The following CABLES1 variants were observed in gnomAD, a reference collection of about 807,000 sequenced individuals.
The protein encoded by CABLES1 is Cdk5 and Abl enzyme substrate 1.
A neutral mutation model predicts 57.8 loss-of-function variants in CABLES1; 36 were observed. The observed-to-expected ratio is 0.62, with a 90% CI of 0.48 to 0.82. The LOEUF is 0.82. CABLES1 is among the 40% of genes least tolerant of loss of function. The pLI is 0.00. For missense variants in CABLES1, 767 were observed against 836.6 expected (o/e 0.92, Z 1.03); for synonymous variants, 374 against 363.0 (o/e 1.03, Z -0.35).
chr18:23,210,971 CCATATT>C lies in CABLES1; in HGVS notation c.1011-3001_1011-2996del, dbSNP rs1236838216. Among the ~76,000 whole-genome samples the C allele has an allele frequency of 4.6e-5, 7 of 152,164 alleles. No individual in the cohort carries two copies. In the East Asian group the frequency reaches 9.7e-4, roughly 21 times the overall value. Reference sequence around the variant, plus strand: ...ACCCTACTGGAATTGTTGAAACAGTCCATATTCATAGTTGCTAAACTTGACCTATGC... The same window carrying C: ...ACCCTACTGGAATTGTTGAAACAGTCCATAGTTGCTAAACTTGACCTATGC... On this transcript the variant is annotated intron_variant, in intron 3 of 9. Transcript: ENST00000256925.
rs968603613 is a variant in CABLES1, at chr18:23,258,791, C to T, written c.*1424C>T. 27 of 152,184 alleles carry T rather than the reference C, an allele frequency of 1.8e-4. No individual in the cohort carries two copies. The highest frequency in any genetic ancestry group is 6.5e-4 in the African/African-American group (27 of 41,416). The allele number at this position is 152,184 out of a possible 1,614,324, so 9.4% of individuals were successfully genotyped here. ...CCAGCCCAGAGAAAGGGCGATGGAA[C>T]CGAACCGAGGGTCTGCAGCTTTCGT... On this transcript the variant is annotated 3_prime_UTR_variant, in exon 10 of 10. Coordinates refer to ENST00000256925, the MANE Select transcript of CABLES1 (RefSeq NM_001100619.3).
In CABLES1 at chr18:23,184,308, C is replaced by CGTGTGTGT. The variant is rs61158856; in HGVS notation, c.846-4503_846-4496dup. On this transcript the variant is annotated intron_variant, in intron 1 of 9. Transcript: ENST00000256925. Reference sequence around the variant, plus strand: ...TAATGTGTGCCCTTGCATACTGGCACGTGTGTGTGTGTGTGTGTGTGTGTG... The same window carrying CGTGTGTGT: ...TAATGTGTGCCCTTGCATACTGGCACGTGTGTGTGTGTGTGTGTGTGTGTGTGTGTGTG... Among the ~76,000 whole-genome samples the CGTGTGTGT allele has an allele frequency of 4.2e-3, 609 of 146,418 alleles. 7 individuals carry two copies. Among genetic ancestry groups the CGTGTGTGT allele is most frequent in the African/African-American group, 0.013 (537 of 39,852 alleles).
intron 7 of CABLES1, among the ~76,000 whole-genome samples, chr18:23,249,457 T>C (rs756353830): frequency 6.6e-6 from 1 of 152,112 alleles, no homozygotes; most frequent in Non-Finnish European, 1.5e-5. Flanking sequence ...CTTTGGCACA[T>C]AGAAATCAGC....
At chr18:23,187,350 T>C (rs1568059434) in intron 1 of CABLES1, among the ~76,000 whole-genome samples, 1 of 152,210 alleles carries the variant, frequency 6.6e-6, no homozygotes, top group Non-Finnish European at 1.5e-5. Flanking sequence ...TGTTCTATGT[T>C]CTGCTGTTTT....
Position 23,135,912 on chromosome 18 carries a change from A to ACC in CABLES1, c.156_157dup (p.Arg53ProfsTer81). On this transcript the variant is annotated frameshift_variant, in exon 1 of 10. Coordinates refer to ENST00000256925, the MANE Select transcript of CABLES1 (RefSeq NM_001100619.3). LOFTEE classifies it high-confidence loss of function. ...CCGCGCCGGCCCAGCCGCCGCCCGA[A>ACC]CCCCCCCGGAAGCCGCGCATGGACC... 9.2e-7 allele frequency: 1 copy of ACC among 1,083,804 alleles called. No individual in the cohort carries two copies. Among genetic ancestry groups the ACC allele is most frequent in the Non-Finnish European group, 1.1e-6 (1 of 898,134 alleles). 67.1% of individuals were successfully genotyped at this position (1,083,804 alleles called of 1,614,324 possible).
At chr18:23,232,502 A>G (rs1260878102) in intron 4 of CABLES1, among the ~76,000 whole-genome samples, 1 of 152,224 alleles carries the variant, frequency 6.6e-6, no homozygotes, top group South Asian at 2.1e-4. Flanking sequence ...TCCCTATGCC[A>G]GTGCCCCTGT....
At chr18:23,195,982 C>T (rs1296827611) in intron 3 of CABLES1, among the ~76,000 whole-genome samples, 1 of 152,068 alleles carries the variant, frequency 6.6e-6, no homozygotes, top group Non-Finnish European at 1.5e-5. Context: ...ATGACAAAGC[C>T]AAAGGAATGG....
intron 1 of CABLES1, among the ~76,000 whole-genome samples, chr18:23,180,812 AT>A (rs1353720943): frequency 6.6e-6 from 1 of 152,182 alleles, no homozygotes; most frequent in African/African-American, 2.4e-5. Flanking sequence ...GCTGAACACC[AT>A]TTCAAGAGCA....
At chr18:23,230,326 C>T (rs953290440) in intron 4 of CABLES1, among the ~76,000 whole-genome samples, 11 of 152,150 alleles carry the variant, frequency 7.2e-5, no homozygotes, top group African/African-American at 2.2e-4. Flanking sequence ...GAGCTGAGAT[C>T]GCACCACTGC....
intron 3 of CABLES1, among the ~76,000 whole-genome samples, chr18:23,203,896 G>A (rs1192291466): frequency 2.0e-5 from 3 of 152,126 alleles, no homozygotes; most frequent in Non-Finnish European, 2.9e-5. Context: ...TTGTGAAAAG[G>A]CTAGCACCTG....
At chr18:23,236,650 G>T (rs1490175553) in intron 6 of CABLES1, among the ~76,000 whole-genome samples, 2 of 152,208 alleles carry the variant, frequency 1.3e-5, no homozygotes, top group African/African-American at 4.8e-5. Flanking sequence ...CTGAATCCCT[G>T]TCCTAGTGTT....
chr18:23,220,805 A>G (rs1308832758), intron 4 of CABLES1, among the ~76,000 whole-genome samples: 2 of 152,218 alleles, frequency 1.3e-5, no homozygotes, highest in Non-Finnish European at 2.9e-5. Flanking sequence ...TCCCAAGGCA[A>G]ATACCAGACA....
At chr18:23,226,712 G>C (rs768131848) in intron 4 of CABLES1, among the ~76,000 whole-genome samples, 1 of 152,152 alleles carries the variant, frequency 6.6e-6, no homozygotes, top group Non-Finnish European at 1.5e-5. Context: ...ACTAGTCCTA[G>C]AATTGTCCCT....
chr18:23,191,366 C>T (rs1458123956), intron 2 of CABLES1, among the ~76,000 whole-genome samples: 1 of 152,160 alleles, frequency 6.6e-6, no homozygotes, highest in Non-Finnish European at 1.5e-5. Context: ...AGCCTGGGAA[C>T]CTGAGTTCTT....
chr18:23,203,451 GAT>G (rs1370412027), intron 3 of CABLES1, among the ~76,000 whole-genome samples: 2 of 144,278 alleles, frequency 1.4e-5, no homozygotes, highest in African/African-American at 5.4e-5. Flanking sequence ...GAACCAATAG[GAT>G]ATGTTAAAAA....
chr18:23,246,593 G>T (rs9954947), intron 7 of CABLES1, among the ~76,000 whole-genome samples: 1 of 150,950 alleles, frequency 6.6e-6, no homozygotes, highest in Non-Finnish European at 1.5e-5. Context: ...GGGTTTCACC[G>T]TGTTAGCCAG....
rs111345466 is a variant in CABLES1 at position 23,246,265 on chromosome 18, C to CAAA, written c.1447-6685_1447-6683dup. 5.4e-3 allele frequency among the ~76,000 whole-genome samples: 767 copies of CAAA among 140,772 alleles called. 9 individuals are homozygous for CAAA. The highest frequency in any genetic ancestry group is 0.018 in the African/African-American group (678 of 38,042). 92.4% of individuals were successfully genotyped at this position (140,772 alleles called of 152,430 possible). A position where few individuals can be genotyped will look rare whatever the true frequency, so the allele number is the denominator to read the frequency against. ...TAGGTGACAGAGTGAGACTCCATCT[C>CAAA]AAAAAAAAAAAAGAAAACAGTGGTC... On this transcript the variant is annotated intron_variant, in intron 7 of 9. Transcript: ENST00000256925.
At chr18:23,173,016 G>A (rs145312280) in intron 1 of CABLES1, among the ~76,000 whole-genome samples, 12 of 152,384 alleles carry the variant, frequency 7.9e-5, no homozygotes, top group African/African-American at 2.9e-4. Flanking sequence ...AGGTTAGGGA[G>A]ATGGGAGGTT....
At chr18:23,210,601 G>T (rs774871307) in intron 3 of CABLES1, among the ~76,000 whole-genome samples, 11 of 152,172 alleles carry the variant, frequency 7.2e-5, no homozygotes, top group Non-Finnish European at 1.6e-4. Flanking sequence ...AAACATAACG[G>T]TTGATCACAT....
Sources: allele counts gnomAD v4.1 joint callset (sites outside exome capture counted in the v4.1 genomes callset), GRCh38; gene constraint gnomAD v4.1.1; transcripts MANE v1.5; gene names NCBI Gene and HGNC (gene_info 2026-07-23, HGNC 2026-07-21).